ADCY1: variants seen among roughly 807,000 people sequenced by gnomAD.
ADCY1 encodes adenylate cyclase type 1.
A neutral mutation model predicts 105.4 loss-of-function variants in ADCY1; 28 were observed. The observed-to-expected ratio is 0.27, with a 90% CI of 0.20 to 0.36. The LOEUF is 0.36. ADCY1 is among the 10% of genes least tolerant of loss of function. The pLI is 1.00. For synonymous variants in ADCY1, 655 were observed against 623.8 expected (o/e 1.05, Z -0.75); for missense variants, 977 against 1,434.2 (o/e 0.68, Z 5.15).
chr7:45,686,580 G>T lies in ADCY1; in HGVS notation c.2361G>T (p.Pro787=). ...CCGTCTCCGGGCGCAGCTACGAGCC[G>T]ATTGTGGCCATCCTGCTCTTCTCCT... ...GGAVSGRSYE[P]IVAILLFSCA... The change falls in exon 14 of 20, where the codon CCG becomes CCT. Residue 787 remains proline, a synonymous_variant. Transcript: ENST00000297323. This position sits in a 1 kb window ranked among gnomAD's most constrained non-coding sequence, Gnocchi z 4.3. 6.2e-7 allele frequency: 1 copy of T among 1,613,348 alleles called. No individual in the cohort carries two copies. Among genetic ancestry groups the T allele is most frequent in the South Asian group, 1.1e-5 (1 of 91,042 alleles).
At chr7:45,606,156 G>T (rs750099249) in intron 2 of ADCY1, among the ~76,000 whole-genome samples, 1 of 152,100 alleles carries the variant, frequency 6.6e-6, no homozygotes, top group Non-Finnish European at 1.5e-5. Flanking sequence ...AGGAGAATGA[G>T]ATCCCCTTGG....
intron 5 of ADCY1, among the ~76,000 whole-genome samples, chr7:45,650,332 CATT>C (rs1292008880): frequency 2.0e-5 from 3 of 152,098 alleles, no homozygotes; most frequent in Non-Finnish European, 4.4e-5. Flanking sequence ...TCATAAATGA[CATT>C]ATATCACATC....
intron 8 of ADCY1, among the ~76,000 whole-genome samples, chr7:45,674,401 C>T (rs11984154): frequency 0.15 from 22,005 of 151,706 alleles, 1,730 homozygotes; most frequent in African/African-American, 0.18. Context: ...TTTTTTGAGA[C>T]GGAATCTCTA....
intron 7 of ADCY1, among the ~76,000 whole-genome samples, chr7:45,660,975 A>G (rs1239497956): frequency 6.9e-6 from 1 of 145,300 alleles, no homozygotes; most frequent in African/African-American, 2.6e-5. Flanking sequence ...TTCAGGGCTT[A>G]GGTGAGGGGT....
chr7:45,714,902 T>C lies in ADCY1; in HGVS notation c.*907T>C, dbSNP rs1381807984. On this transcript the variant is annotated 3_prime_UTR_variant, in exon 20 of 20. Transcript: ENST00000297323. ...TTTCCCTGTGGCATCGTGGATCCTT[T>C]ACATTTAGCAACAACAGTGTGAGGC... 6.6e-6 allele frequency: 1 copy of C among 152,304 alleles called. No homozygotes were observed. Among genetic ancestry groups the C allele is most frequent in the Non-Finnish European group, 1.5e-5 (1 of 68,060 alleles). The allele number at this position is 152,304 out of a possible 1,614,324, so 9.4% of individuals were successfully genotyped here. A position where few individuals can be genotyped will look rare whatever the true frequency, so the allele number is the denominator to read the frequency against.
At position 45,721,842 on chromosome 7, in the gene ADCY1, T is replaced by C. The variant is rs921252649; in HGVS notation, c.*7847T>C. 1 of 398,658 alleles carries C rather than the reference T, an allele frequency of 2.5e-6. No individual in the cohort carries two copies. Among genetic ancestry groups the C allele is most frequent in the African/African-American group, 2.1e-5 (1 of 48,742 alleles). 24.7% of individuals were successfully genotyped at this position (398,658 alleles called of 1,614,324 possible). A position where few individuals can be genotyped will look rare whatever the true frequency, so the allele number is the denominator to read the frequency against. On this transcript the variant is annotated 3_prime_UTR_variant, in exon 20 of 20. Transcript: ENST00000297323. Reference sequence around the variant, plus strand: ...TGCTGGTACCGGGCGGTTCAGACCTTCAAATAGGTTGCTTTCAAAAGAGCT... The same window carrying C: ...TGCTGGTACCGGGCGGTTCAGACCTCCAAATAGGTTGCTTTCAAAAGAGCT...
intron 3 of ADCY1, among the ~76,000 whole-genome samples, chr7:45,610,763 G>A (rs1373669581): frequency 6.0e-5 from 9 of 150,236 alleles, no homozygotes; most frequent in African/African-American, 2.0e-4. Flanking sequence ...GAGGTGTAGA[G>A]GTGATAGTGG....
chr7:45,661,940 G>A (rs1795117879), intron 7 of ADCY1, 119 bp from the exon 8 acceptor site: 3 of 1,272,304 alleles, frequency 2.4e-6, no homozygotes, highest in Admixed American at 4.4e-5. Flanking sequence ...AGTAGGCGCT[G>A]AGCAAATGAA....
intron 14 of ADCY1, among the ~76,000 whole-genome samples, chr7:45,689,288 T>C (rs754738843): frequency 3.1e-4 from 47 of 152,084 alleles, no homozygotes; most frequent in Non-Finnish European, 5.9e-4. Context: ...TAAATACATC[T>C]GCATTAAGCT....
chr7:45,699,519 G>A (rs549451610), intron 14 of ADCY1, among the ~76,000 whole-genome samples: 18 of 152,242 alleles, frequency 1.2e-4, no homozygotes, highest in South Asian at 2.1e-4. Flanking sequence ...TGATATTTGA[G>A]GGACATATCA....
chr7:45,599,582 C>G (rs1793169186), intron 2 of ADCY1, among the ~76,000 whole-genome samples: 1 of 151,170 alleles, frequency 6.6e-6, no homozygotes, highest in South Asian at 2.1e-4. Context: ...TGCGGCATGT[C>G]CTCGGGGGCT....
At chr7:45,696,800 TGCTTTCTGCCCACGGAGTG>T (rs1336491436) in intron 14 of ADCY1, among the ~76,000 whole-genome samples, 1 of 152,194 alleles carries the variant, frequency 6.6e-6, no homozygotes, top group East Asian at 1.9e-4. Flanking sequence ...CCCCAGAAGT[TGCTTTCTGCCCACGGAGTG>T]GGCAGAAATG....
chr7:45,587,288 C>T (rs1040912746), intron 1 of ADCY1, among the ~76,000 whole-genome samples: 15 of 152,196 alleles, frequency 9.9e-5, no homozygotes, highest in African/African-American at 3.1e-4. Context: ...ATGTGCATGG[C>T]ATGGCAGACA....
chr7:45,712,244 C>A, intron 19 of ADCY1, among the ~76,000 whole-genome samples: 1 of 123,920 alleles, frequency 8.1e-6, no homozygotes, highest in Non-Finnish European at 1.7e-5. Flanking sequence ...TATATATATA[C>A]TTACACCTTT....
chr7:45,679,711 G>C lies in ADCY1; in HGVS notation c.1901G>C (p.Ser634Thr). The C allele has an allele frequency of 3.7e-6, 6 of 1,614,234 alleles. No individual in the cohort carries two copies. The highest frequency in any genetic ancestry group is 5.1e-6 in the Non-Finnish European group (6 of 1,180,040). The change falls in exon 11 of 20, where the codon AGT becomes ACT. Residue 634 changes from serine to threonine, a missense_variant and splice_region_variant. Ser to Thr is a moderately conservative substitution (Grantham distance 58). Around this residue, in one of 7 missense-constraint regions of ADCY1, gnomAD observed 275 missense variants for 362.1 expected, o/e 0.76. Transcript: ENST00000297323. ...GLVYLLIFPQSVVVLLLLVFC... is the reference protein window; with the variant it reads ...GLVYLLIFPQTVVVLLLLVFC... Reference sequence around the variant, plus strand: ...CTCTCATGTTTTCTGTCCCCCAGGAGTGTGGTCGTCCTGCTCCTGCTAGTA... The same window carrying C: ...CTCTCATGTTTTCTGTCCCCCAGGACTGTGGTCGTCCTGCTCCTGCTAGTA...
rs1300285520 is a variant in ADCY1, at chr7:45,720,904, G to C, written c.*6909G>C. On this transcript the variant is annotated 3_prime_UTR_variant, in exon 20 of 20. Transcript: ENST00000297323. ...GAGGTATTATTATACTCCTTATGTT[G>C]ACAGTGAAGAATCTGAGGCCCAGAG... is the stretch of plus-strand genomic sequence containing the variant. 1 of 152,224 alleles carries C rather than the reference G, an allele frequency of 6.6e-6. No homozygotes were observed. Among genetic ancestry groups the C allele is most frequent in the Non-Finnish European group, 1.5e-5 (1 of 68,094 alleles). 9.4% of individuals were successfully genotyped at this position (152,224 alleles called of 1,614,324 possible). A position where few individuals can be genotyped will look rare whatever the true frequency, so the allele number is the denominator to read the frequency against.
rs1785419183 is a variant in ADCY1, at chr7:45,719,238, A to G, written c.*5243A>G. 6.6e-6 allele frequency: 1 copy of G among 152,362 alleles called. No homozygotes were observed. Among genetic ancestry groups the G allele is most frequent in the African/African-American group, 2.4e-5 (1 of 41,470 alleles). The allele number at this position is 152,362 out of a possible 1,614,324, so 9.4% of individuals were successfully genotyped here. A position where few individuals can be genotyped will look rare whatever the true frequency, so the allele number is the denominator to read the frequency against. ...TCCTCCTGCGCAGGGCCAAGTGCCC[A>G]TGAGCACAGCCCCAGACAGACACGG... is the stretch of plus-strand genomic sequence containing the variant. On this transcript the variant is annotated 3_prime_UTR_variant, in exon 20 of 20. Coordinates refer to ENST00000297323, the MANE Select transcript of ADCY1 (RefSeq NM_021116.4).
rs564160352 is a variant in ADCY1, at chr7:45,708,071, G to T, written c.2818-279G>T. The stretch of plus-strand genomic sequence containing the variant: ...AGCAACGCTGTCCAAGCAGGAGTTT[G>T]AGCACCTGGTCTCCCACTCAAAAGG... On this transcript the variant is annotated intron_variant, in intron 17 of 19. Transcript: ENST00000297323. The surrounding 1 kb of genome is among the most constrained non-coding windows in gnomAD (Gnocchi z 4.7). Among the ~76,000 whole-genome samples, 4 of 152,290 alleles carry T rather than the reference G, an allele frequency of 2.6e-5. No homozygotes were observed. The highest frequency in any genetic ancestry group is 9.6e-5 in the African/African-American group (4 of 41,558).
At position 45,708,531 on chromosome 7, in the gene ADCY1, G is replaced by A. The variant is rs557302169; in HGVS notation, c.2932+67G>A. The stretch of plus-strand genomic sequence containing the variant: ...CCTTCCTACACCCACCTAGGGGTGG[G>A]ATCAGCTGATGAGGTACCCTGGTCT... On this transcript the variant is annotated intron_variant, in intron 18 of 19. Transcript: ENST00000297323. This position sits in a 1 kb window ranked among gnomAD's most constrained non-coding sequence, Gnocchi z 4.7. 1.2e-4 allele frequency: 153 copies of A among 1,246,014 alleles called. No individual in the cohort carries two copies. In the African/African-American group the frequency reaches 2.1e-3, roughly 17 times the overall value. 77.2% of individuals were successfully genotyped at this position (1,246,014 alleles called of 1,614,324 possible). A position where few individuals can be genotyped will look rare whatever the true frequency, so the allele number is the denominator to read the frequency against.
Sources: gnomAD v4.1 joint callset for allele counts (sites outside exome capture counted in the v4.1 genomes callset) on GRCh38, gnomAD v4.1.1 for gene constraint, gnomAD v4.1.1 regional missense constraint, Gnocchi (gnomAD v3.1) non-coding constraint, MANE v1.5 for transcripts, NCBI Gene and HGNC (gene_info 2026-07-23, HGNC 2026-07-21) for gene names.